Variants in NSRP1 observed in about 807,000 individuals in gnomAD.
NSRP1 encodes nuclear speckle splicing regulatory protein 1.
NSRP1 carries 24 observed loss-of-function variants against 54.7 expected under a neutral mutation model. The observed-to-expected ratio is 0.44, with a 90% CI of 0.32 to 0.62. The LOEUF (loss-of-function observed/expected upper bound fraction) is 0.62. NSRP1 is among the 20% of genes least tolerant of loss of function. The pLI is 0.06. For synonymous variants in NSRP1, 210 were observed against 213.8 expected (o/e 0.98, Z 0.15); for missense variants, 596 against 651.2 (o/e 0.92, Z 0.92).
rs1905190404 is a variant in NSRP1, at chr17:30,178,184, G to A, written c.285G>A (p.Leu95=). 1 of 1,604,236 alleles carries A rather than the reference G, an allele frequency of 6.2e-7. No homozygotes were observed. The highest frequency in any genetic ancestry group is 1.7e-5 in the Admixed American group (1 of 57,584). ...KKEENNPKLL[L]GKDRKPKYIH... is the part of the protein sequence containing the mutation. The stretch of plus-strand genomic sequence containing the variant: ...AGGAAAATAATCCCAAATTGCTTTT[G>A]GGGAAAGACAGAAAGGTTTGTAAGC... Residue 95 remains leucine (L), a synonymous_variant, in exon 4 of 7, where the codon TTG becomes TTA. Coordinates refer to ENST00000247026, the MANE Select transcript of NSRP1 (RefSeq NM_032141.4).
intron 2 of NSRP1, among the ~76,000 whole-genome samples, chr17:30,151,438 C>T (rs774276350): frequency 6.6e-6 from 1 of 152,096 alleles, no homozygotes; most frequent in African/African-American, 2.4e-5. Flanking sequence ...ATACTGTATT[C>T]TTACAGTTAA....
intron 2 of NSRP1, among the ~76,000 whole-genome samples, chr17:30,145,970 C>T (rs1377084314): frequency 6.6e-6 from 1 of 151,762 alleles, no homozygotes; most frequent in Non-Finnish European, 1.5e-5. Context: ...CCACTTTTGT[C>T]TTCCGAGTAG....
intron 1 of NSRP1, chr17:30,117,433 C>T (rs2071547168): frequency 4.7e-6 from 2 of 429,796 alleles, no homozygotes; most frequent in East Asian, 3.5e-5. Context: ...ACTTTTGATG[C>T]GGCCTCCCGT....
At chr17:30,158,481 T>A (rs965461208) in intron 2 of NSRP1, among the ~76,000 whole-genome samples, 11 of 152,134 alleles carry the variant, frequency 7.2e-5, no homozygotes, top group African/African-American at 2.7e-4. Context: ...GTCCCATTTA[T>A]CTATCTTTGT....
intron 2 of NSRP1, among the ~76,000 whole-genome samples, chr17:30,119,936 T>C (rs1478658615): frequency 6.6e-6 from 1 of 152,214 alleles, no homozygotes; most frequent in Non-Finnish European, 1.5e-5. Flanking sequence ...ACATATAAAA[T>C]GCTCAGATTT....
chr17:30,180,707 A>G (rs1047490233), intron 5 of NSRP1, among the ~76,000 whole-genome samples: 1 of 152,198 alleles, frequency 6.6e-6, no homozygotes, highest in African/African-American at 2.4e-5. Flanking sequence ...GCAGTTGTGG[A>G]CAATACATAA....
rs1240671103 is a variant in NSRP1, at chr17:30,152,765, C to CTGT, written c.115-19775_115-19773dup. 5.9e-5 allele frequency among the ~76,000 whole-genome samples: 9 copies of CTGT among 152,092 alleles called. 1 individual carries two copies. Among genetic ancestry groups the CTGT allele is most frequent in the African/African-American group, 2.2e-4 (9 of 41,506 alleles). ...TTTATGATTGCTATTTCTTCTTGAT[C>CTGT]TGTTCCTCAGTATCTGGTAACCTAC... is the stretch of plus-strand genomic sequence containing the variant. On this transcript the variant is annotated intron_variant, in intron 2 of 6. Coordinates refer to ENST00000247026, the MANE Select transcript of NSRP1 (RefSeq NM_032141.4).
Position 30,118,095 on chromosome 17 carries a change from G to C in NSRP1, c.36G>C (p.Leu12Phe). 6.2e-7 allele frequency: 1 copy of C among 1,613,134 alleles called. No individual in the cohort carries two copies. The highest frequency in any genetic ancestry group is 8.5e-7 in the Non-Finnish European group (1 of 1,179,442). Residue 12 changes from leucine to phenylalanine, a missense_variant, in exon 2 of 7, where the codon TTG (leucine) becomes TTC (phenylalanine). By Grantham distance (22) the Leu-to-Phe change is conservative. Coordinates refer to ENST00000247026, the MANE Select transcript of NSRP1 (RefSeq NM_032141.4). ...ATATATGCAGGTATGGGCTTATTTT[G>C]CCAAAGAAAACACAGCAGTTGCACC... ...AIPGRQYGLI[L>F]PKKTQQLHPV... is the part of the protein sequence containing the mutation.
intron 3 of NSRP1, among the ~76,000 whole-genome samples, chr17:30,175,798 T>C (rs577578247): frequency 7.9e-5 from 12 of 152,262 alleles, no homozygotes; most frequent in Admixed American, 6.5e-4. Context: ...CAGTATATAG[T>C]CAGTTTTTAT....
At chr17:30,176,085 GT>G (rs968687328) in intron 3 of NSRP1, among the ~76,000 whole-genome samples, 26 of 142,050 alleles carry the variant, frequency 1.8e-4, no homozygotes, top group Admixed American at 2.9e-4. Flanking sequence ...TATTCATACT[GT>G]TTTTTTTTGT....
intron 2 of NSRP1, among the ~76,000 whole-genome samples, chr17:30,130,793 A>G (rs891549796): frequency 6.6e-6 from 1 of 152,028 alleles, no homozygotes; most frequent in Non-Finnish European, 1.5e-5. Flanking sequence ...CTTTTTCTCT[A>G]AATATTTAGC....
At chr17:30,166,897 A>G (rs1442914071) in intron 2 of NSRP1, among the ~76,000 whole-genome samples, 3 of 152,072 alleles carry the variant, frequency 2.0e-5, no homozygotes, top group African/African-American at 7.2e-5. Context: ...CTGCACTCCA[A>G]CCTGGGCAGC....
At chr17:30,163,968 G>C (rs1597614376) in intron 2 of NSRP1, among the ~76,000 whole-genome samples, 1 of 152,078 alleles carries the variant, frequency 6.6e-6, no homozygotes, top group East Asian at 1.9e-4. Context: ...TTACAGGCAT[G>C]AGCCACCGTA....
chr17:30,170,174 T>G (rs1224403553), intron 2 of NSRP1, among the ~76,000 whole-genome samples: 1 of 152,156 alleles, frequency 6.6e-6, no homozygotes, highest in African/African-American at 2.4e-5. Context: ...CAATTCAGTG[T>G]CAGTATATTT....
chr17:30,174,220 C>A (rs1905051398), intron 3 of NSRP1, among the ~76,000 whole-genome samples: 1 of 152,088 alleles, frequency 6.6e-6, no homozygotes, highest in South Asian at 2.1e-4. Context: ...CTGTCTTGTT[C>A]AAGCCACTTT....
At chr17:30,117,868 G>A in intron 1 of NSRP1, 2 of 399,326 alleles carry the variant, frequency 5.0e-6, no homozygotes, top group East Asian at 3.6e-5. Context: ...AGTTTGGCCC[G>A]TGTCCACAAA....
At position 30,172,555 on chromosome 17, in the gene NSRP1, A is replaced by G; in HGVS notation, c.128A>G (p.Glu43Gly). The change falls in exon 3 of 7, where the codon GAA becomes GGA. Residue 43 changes from glutamate (E) to glycine (G), a missense_variant. By Grantham distance (98) the Glu-to-Gly change is moderately conservative (BLOSUM62 -2). Coordinates refer to ENST00000247026, the MANE Select transcript of NSRP1 (RefSeq NM_032141.4). Reference protein sequence around the residue: ...SDDDDETSVSESLQREAAKKQ... With the variant: ...SDDDDETSVSGSLQREAAKKQ... ...TCTGTTTTACAGACCTCTGTGAGTG[A>G]AAGCCTTCAGAGGGAAGCTGCTAAG... is the stretch of plus-strand genomic sequence containing the variant. 1 of 1,610,110 alleles carries G rather than the reference A, an allele frequency of 6.2e-7. No homozygotes were observed. The highest frequency in any genetic ancestry group is 1.7e-4 in the Middle Eastern group (1 of 6,050).
At position 30,122,348 on chromosome 17, in the gene NSRP1, GTTTCATATA is replaced by G. The variant is rs1369475001; in HGVS notation, c.114+4177_114+4185del. On this transcript the variant is annotated intron_variant, in intron 2 of 6. Coordinates refer to ENST00000247026, the MANE Select transcript of NSRP1 (RefSeq NM_032141.4). ...ATTTCTGGTTCATATGATAACTCTG[GTTTCATATA>G]TATATATATATATATATATATATAT... The G allele has an allele frequency of 6.1e-3, 260 of 42,898 alleles. 8 individuals are homozygous for G. The highest frequency in any genetic ancestry group is 0.02 in the African/African-American group (249 of 12,276). 2.7% of individuals were successfully genotyped at this position (42,898 alleles called of 1,614,324 possible).
At chr17:30,126,489 G>A (rs1430521729) in intron 2 of NSRP1, among the ~76,000 whole-genome samples, 2 of 151,992 alleles carry the variant, frequency 1.3e-5, no homozygotes, top group African/African-American at 4.8e-5. Context: ...ATTGCACTTA[G>A]CTTTTAAAAG....
Sources: gnomAD v4.1 joint callset for allele counts (sites outside exome capture counted in the v4.1 genomes callset) on GRCh38, gnomAD v4.1.1 for gene constraint, MANE v1.5 for transcripts, NCBI Gene and HGNC (gene_info 2026-07-23, HGNC 2026-07-21) for gene names.